Variants in CPSF1 observed in about 807,000 individuals in gnomAD.
CPSF1 encodes cleavage and polyadenylation specific factor 1.
Under a neutral mutation model 175.8 loss-of-function variants are expected in CPSF1, and 106 were observed. That is an observed-to-expected ratio of 0.60 (90% confidence interval 0.52 to 0.71). The LOEUF (loss-of-function observed/expected upper bound fraction) is 0.71, where lower values mean the gene tolerates loss of function less well. Among genes scored for constraint, CPSF1 ranks in the 30% least tolerant of loss-of-function variants. The pLI, the probability that CPSF1 is intolerant of heterozygous loss-of-function variation, is 0.00. For missense variants in CPSF1, 1,734 were observed against 2,022.9 expected, an observed-to-expected ratio of 0.86 and a Z score of 2.74; for synonymous variants, 1,024 against 858.3, an observed-to-expected ratio of 1.19 and a Z score of -3.37.
chr8:144,396,924 A>C lies in CPSF1; in HGVS notation c.2598T>G (p.His866Gln). The part of the protein sequence containing the change: ...SRQSRPYLLV[H>Q]VDQELLIYEA... The stretch of plus-strand genomic sequence containing the variant: ...CGTAGATAAGCAGCTCTTGGTCCAC[A>C]TGCACCTGGCAGGATGAGGGGAGCC... Residue 866 changes from histidine (H) to glutamine (Q), a missense_variant, in exon 24 of 38, where the codon CAT (histidine) becomes CAG (glutamine). Physicochemically the swap from His to Gln is conservative, Grantham distance 24. This residue lies in a region of CPSF1 where 585 missense variants were observed against 584.7 expected (regional missense o/e 1.00). Transcript: ENST00000616140. 6.2e-7 allele frequency: 1 copy of C among 1,612,032 alleles called. No individual in the cohort carries two copies. Among genetic ancestry groups the C allele is most frequent in the South Asian group, 1.1e-5 (1 of 90,950 alleles).
intron 18 of CPSF1, 34 bp from the exon 19 acceptor site, chr8:144,398,477 G>A (rs2116850284): frequency 9.9e-6 from 16 of 1,610,544 alleles, no homozygotes; most frequent in East Asian, 4.5e-5. Flanking sequence ...GGCGCCCCCC[G>A]CAGGGGACCC....
rs2116877873 is a variant in CPSF1, at chr8:144,400,747, T to C, written c.610A>G (p.Ile204Val). ...RALDEKLLNI[I>V]DLQFLHGYYE... is the part of the protein sequence containing the mutation. ...TAGCCATGCAGGAACTGCAGGTCGA[T>C]GATGTTGAGCAGCTTCTCGTCTAGG... Residue 204 changes from isoleucine (I) to valine (V), a missense_variant, in exon 7 of 38, where the codon ATC becomes GTC. This residue lies in a region of CPSF1 where 122 missense variants were observed against 177.2 expected (regional missense o/e 0.69). Transcript: ENST00000616140. 1.2e-5 allele frequency: 20 copies of C among 1,613,834 alleles called. No homozygotes were observed. In the East Asian group the frequency reaches 3.8e-4, roughly 31 times the overall value.
rs1252452590 is a variant in CPSF1, at chr8:144,397,508, C to A, written c.2364G>T (p.Val788=). 1.3e-6 allele frequency: 2 copies of A among 1,585,770 alleles called. No individual in the cohort carries two copies. Among genetic ancestry groups the A allele is most frequent in the Non-Finnish European group, 1.7e-6 (2 of 1,160,654 alleles). The part of the protein sequence containing the change: ...RAEPTHWCLL[V]RENGTMEIYQ... ...CTACCTCCATGGTGCCATTCTCCCG[C>A]ACCAGCAGGCACCAGTGGGTAGGCT... is the stretch of plus-strand genomic sequence containing the variant. Residue 788 remains valine (V), a synonymous_variant, in exon 22 of 38, where the codon GTG becomes GTT. Coordinates refer to ENST00000616140, the MANE Select transcript of CPSF1 (RefSeq NM_013291.3).
chr8:144,400,264 A>T lies in CPSF1; in HGVS notation c.839T>A (p.Val280Glu). The change falls in exon 9 of 38, where the codon GTG (valine) becomes GAG (glutamate). Residue 280 changes from valine (V) to glutamate (E), a missense_variant. Around this residue, in one of 10 missense-constraint regions of CPSF1, gnomAD observed 61 missense variants for 104.0 expected, o/e 0.59. Transcript: ENST00000616140. ...AVPKPIGGVV[V>E]FAVNSLLYLN... The stretch of plus-strand genomic sequence containing the variant: ...GTACAACAGCGAGTTGACGGCAAAC[A>T]CCACCACCCCACCTGGAGGTGGACA... The T allele has an allele frequency of 1.2e-6, 2 of 1,601,200 alleles. No homozygotes were observed. The highest frequency in any genetic ancestry group is 1.7e-6 in the Non-Finnish European group (2 of 1,171,298).
At position 144,400,405 on chromosome 8, in the gene CPSF1, T is replaced by C; in HGVS notation, c.775A>G (p.Thr259Ala). ...QKVHPVIWSL[T>A]SLPFDCTQAL... The stretch of plus-strand genomic sequence containing the variant: ...TGGGTGCAGTCAAAGGGCAGGCTGG[T>C]GAGGGACCAGATGACGGGGTGCACC... Residue 259 changes from threonine (T) to alanine (A), a missense_variant, in exon 8 of 38, where the codon ACC becomes GCC. Thr to Ala is a moderately conservative substitution (Grantham distance 58, BLOSUM62 0). Transcript: ENST00000616140. The C allele has an allele frequency of 6.2e-7, 1 of 1,613,578 alleles. No homozygotes were observed. Among genetic ancestry groups the C allele is most frequent in the Non-Finnish European group, 8.5e-7 (1 of 1,179,908 alleles).
chr8:144,397,414 C>T lies in CPSF1; in HGVS notation c.2386-1G>A. The stretch of plus-strand genomic sequence containing the variant: ...GCCGCCAGTCGGGAAGCTGGTAGAT[C>T]TGCAGGGTGGGCAGCAGTCAGTGGA... On this transcript the variant is annotated splice_acceptor_variant, in intron 22 of 37. Transcript: ENST00000616140. LOFTEE classifies it high-confidence loss of function. 6.3e-7 allele frequency: 1 copy of T among 1,575,532 alleles called. No homozygotes were observed. Among genetic ancestry groups the T allele is most frequent in the Non-Finnish European group, 8.6e-7 (1 of 1,160,382 alleles).
At chr8:144,398,714 C>T in intron 17 of CPSF1, 65 bp downstream of exon 17, 3 of 1,596,916 alleles carry the variant, frequency 1.9e-6, no homozygotes, top group Middle Eastern at 1.7e-4. Context: ...CCTGGGCACC[C>T]CCGGCCTATG....
intron 21 of CPSF1, 40 bp downstream of exon 21, chr8:144,397,703 G>C (rs1554864507): frequency 6.4e-7 from 1 of 1,572,886 alleles, no homozygotes; most frequent in African/African-American, 1.4e-5. Flanking sequence ...GCCAGCCCCA[G>C]GGACCCAAGC....
chr8:144,399,557 G>C lies in CPSF1; in HGVS notation c.1242+31C>G, dbSNP rs1244525607. On this transcript the variant is annotated intron_variant, in intron 12 of 37. Transcript: ENST00000616140. The surrounding 1 kb of genome is among the most constrained non-coding windows in gnomAD (Gnocchi z 6.4). ...ATGCCACAGCAGTGCCCACATGAAG[G>C]GTGGTGGCCCAATGGGCCCAGGAAA... is the stretch of plus-strand genomic sequence containing the variant. 1 of 1,611,300 alleles carries C rather than the reference G, an allele frequency of 6.2e-7. No individual in the cohort carries two copies. The highest frequency in any genetic ancestry group is 1.3e-5 in the African/African-American group (1 of 74,898).
At position 144,399,967 on chromosome 8, in the gene CPSF1, G is replaced by C; in HGVS notation, c.1031+25C>G. 6.3e-7 allele frequency: 1 copy of C among 1,578,662 alleles called. No homozygotes were observed. The highest frequency in any genetic ancestry group is 8.6e-7 in the Non-Finnish European group (1 of 1,156,796). On this transcript the variant is annotated intron_variant, in intron 10 of 37. Coordinates refer to ENST00000616140, the MANE Select transcript of CPSF1 (RefSeq NM_013291.3). The surrounding 1 kb of genome is among the most constrained non-coding windows in gnomAD (Gnocchi z 6.4). ...ACTTGTGGGGGGCGGTGTGGGCAGA[G>C]TTCATGGGCGGGGGAGGGGCTCACA...
chr8:144,395,747 A>T (rs941588030), intron 26 of CPSF1, 196 bp from the exon 27 acceptor site: 13 of 603,840 alleles, frequency 2.2e-5, no homozygotes, highest in Non-Finnish European at 3.8e-5. Flanking sequence ...CCATTTTCCC[A>T]CGCTCAGCTG....
At chr8:144,405,610 G>A (rs1821457368) in intron 2 of CPSF1, among the ~76,000 whole-genome samples, 1 of 151,984 alleles carries the variant, frequency 6.6e-6, no homozygotes, top group African/African-American at 2.4e-5. Context: ...GGTGACAGAG[G>A]GAGACTCTCT....
At chr8:144,397,146 T>TG (rs1194411566) in intron 23 of CPSF1, 61 bp downstream of exon 23, 18 of 1,207,900 alleles carry the variant, frequency 1.5e-5, no homozygotes, top group East Asian at 3.5e-5. Flanking sequence ...GGCGGGGCTG[T>TG]GGGGGAACGG....
chr8:144,408,199 C>A (rs1219118301), intron 2 of CPSF1, among the ~76,000 whole-genome samples: 1 of 152,134 alleles, frequency 6.6e-6, no homozygotes, highest in African/African-American at 2.4e-5. Flanking sequence ...CTCCCTCCAT[C>A]CCCACCACCA....
At chr8:144,408,986 G>T in intron 2 of CPSF1, 29 bp downstream of exon 2, 1 of 1,608,134 alleles carries the variant, frequency 6.2e-7, no homozygotes, top group Non-Finnish European at 8.5e-7. Context: ...GTCGCGGACA[G>T]CCGGGAGGGC....
At position 144,399,055 on chromosome 8, in the gene CPSF1, G is replaced by A; in HGVS notation, c.1468-17C>T. 1 of 1,568,018 alleles carries A rather than the reference G, an allele frequency of 6.4e-7. No individual in the cohort carries two copies. The highest frequency in any genetic ancestry group is 8.6e-7 in the Non-Finnish European group (1 of 1,156,912). ...GTTCTGAAACTGCACAGGACTCGGG[G>A]GTGAGGACTATGCCCCCCACCCCCC... On this transcript the variant is annotated splice_polypyrimidine_tract_variant and intron_variant, in intron 15 of 37. Coordinates refer to ENST00000616140, the MANE Select transcript of CPSF1 (RefSeq NM_013291.3). The surrounding 1 kb of genome is among the most constrained non-coding windows in gnomAD (Gnocchi z 6.4).
Position 144,397,493 on chromosome 8 carries a change from G to A in CPSF1, c.2379C>T (p.Thr793=). 2 of 1,595,346 alleles carry A rather than the reference G, an allele frequency of 1.3e-6. No homozygotes were observed. Among genetic ancestry groups the A allele is most frequent in the Non-Finnish European group, 1.7e-6 (2 of 1,166,648 alleles). The change falls in exon 22 of 38, where the codon ACC becomes ACT. Residue 793 remains threonine (T), a synonymous_variant. Transcript: ENST00000616140. ...AGTGCAGGGCACCACCTACCTCCATGGTGCCATTCTCCCGCACCAGCAGGC... is the reference window on the plus strand; with the variant it reads ...AGTGCAGGGCACCACCTACCTCCATAGTGCCATTCTCCCGCACCAGCAGGC... ...HWCLLVRENG[T]MEIYQLPDWR...
chr8:144,398,121 G>T lies in CPSF1; in HGVS notation c.1906C>A (p.His636Asn). 6.4e-7 allele frequency: 1 copy of T among 1,572,692 alleles called. No individual in the cohort carries two copies. The part of the protein sequence containing the change: ...IRLLEGVNQL[H>N]FIPVDLGAPI... ...GCGCCCAGGTCCACGGGGATGAAGT[G>T]CAGCTGATTCACTGTAGGCATGGGG... Residue 636 changes from histidine (H) to asparagine (N), a missense_variant, in exon 20 of 38, where the codon CAC becomes AAC. By Grantham distance (68) the His-to-Asn change is moderately conservative. Transcript: ENST00000616140.
Position 144,399,225 on chromosome 8 carries a change from G to T in CPSF1, c.1393-23C>A. ...CACCTGCGGCACAGCAAGAGTCAGG[G>T]GCCCGCTGGGGGCGCTGGCTGGGAC... On this transcript the variant is annotated intron_variant, in intron 14 of 37. Coordinates refer to ENST00000616140, the MANE Select transcript of CPSF1 (RefSeq NM_013291.3). The surrounding 1 kb of genome is among the most constrained non-coding windows in gnomAD (Gnocchi z 6.4). 3 of 1,611,594 alleles carry T rather than the reference G, an allele frequency of 1.9e-6. No individual in the cohort carries two copies. Among genetic ancestry groups the T allele is most frequent in the Non-Finnish European group, 2.5e-6 (3 of 1,179,522 alleles).
Sources: gnomAD v4.1 joint callset for allele counts (sites outside exome capture counted in the v4.1 genomes callset) on GRCh38, gnomAD v4.1.1 for gene constraint, gnomAD v4.1.1 regional missense constraint, Gnocchi (gnomAD v3.1) non-coding constraint, MANE v1.5 for transcripts, NCBI Gene and HGNC (gene_info 2026-07-23, HGNC 2026-07-21) for gene names.